MED11: variants seen among roughly 807,000 people sequenced by gnomAD.
MED11 encodes mediator complex subunit 11.
Under a neutral mutation model 13.9 loss-of-function variants are expected in MED11, and 19 were observed. The ratio of observed to expected loss-of-function variants is 1.36; its 90% CI spans 0.95 to 2.00. MED11 has a LOEUF of 2.00. MED11 is among the 30% of genes most tolerant of loss of function. MED11 has a pLI of 0.00. For synonymous variants in MED11, 67 were observed against 62.1 expected, an observed-to-expected ratio of 1.08 and a Z score of -0.37; for missense variants, 134 against 150.2, an observed-to-expected ratio of 0.89 and a Z score of 0.56.
chr17:4,731,919 G>A lies in MED11; in HGVS notation c.216+13G>A, dbSNP rs371382648. The A allele has an allele frequency of 2.4e-3, 3,918 of 1,609,170 alleles. 115 individuals are homozygous for A. The South Asian group carries it at 0.041, about 17-fold the overall frequency. On this transcript the variant is annotated intron_variant, in intron 2 of 2. Coordinates refer to ENST00000293777, the MANE Select transcript of MED11 (RefSeq NM_001001683.4). ...CTACCTCACCCAGGTCGGTGTGTCT[G>A]GGGGGTTCTGCGAGCGAACCCCAGC...
rs1916051481 is a variant in MED11 at position 4,733,400 on chromosome 17, G to A, written c.*213G>A. ...CTCTCCAGCAGGGTGCTCCTGCTCT[G>A]CACTCCAGAAACACCCTGACAGGCT... is the stretch of plus-strand genomic sequence containing the variant. On this transcript the variant is annotated 3_prime_UTR_variant, in exon 3 of 3. Coordinates refer to ENST00000293777, the MANE Select transcript of MED11 (RefSeq NM_001001683.4). The A allele has an allele frequency of 1.9e-6, 1 of 539,422 alleles. No individual in the cohort carries two copies. Among genetic ancestry groups the A allele is most frequent in the Non-Finnish European group, 3.3e-6 (1 of 306,840 alleles). 33.4% of individuals were successfully genotyped at this position (539,422 alleles called of 1,614,324 possible). A position where few individuals can be genotyped will look rare whatever the true frequency, so the allele number is the denominator to read the frequency against.
chr17:4,731,870 G>A lies in MED11; in HGVS notation c.180G>A (p.Glu60=), dbSNP rs1034907488. ...TCACCGCTTCAGTGCAACACGTGGAGGCGGAGCTGTCAGCTCAGATCCGCT... is the reference window on the plus strand; with the variant it reads ...TCACCGCTTCAGTGCAACACGTGGAAGCGGAGCTGTCAGCTCAGATCCGCT... ...AAFTASVQHV[E]AELSAQIRYL... is the part of the protein sequence containing the mutation. Residue 60 remains glutamate (E), a synonymous_variant, in exon 2 of 3, where the codon GAG becomes GAA. Coordinates refer to ENST00000293777, the MANE Select transcript of MED11 (RefSeq NM_001001683.4). 1 of 1,614,104 alleles carries A rather than the reference G, an allele frequency of 6.2e-7. No individual in the cohort carries two copies. The highest frequency in any genetic ancestry group is 2.2e-5 in the East Asian group (1 of 44,888).
chr17:4,731,661 G>A (rs1435798383), intron 1 of MED11, 87 bp downstream of exon 1: 19 of 1,608,100 alleles, frequency 1.2e-5, no homozygotes, highest in Admixed American at 1.7e-5. Flanking sequence ...GAGCAGGGTT[G>A]GGGAGGGAAT....
In MED11 at chr17:4,731,429, C is replaced by G; in HGVS notation, c.-61C>G. Reference sequence around the variant, plus strand: ...CTGCGCAGGCGCACACCGAGAGCCACTTCCGGAACAAGCGTCGCGTTTCTG... The same window carrying G: ...CTGCGCAGGCGCACACCGAGAGCCAGTTCCGGAACAAGCGTCGCGTTTCTG... On this transcript the variant is annotated 5_prime_UTR_variant, in exon 1 of 3. Transcript: ENST00000293777. 1.3e-6 allele frequency: 2 copies of G among 1,565,516 alleles called. No homozygotes were observed. Among genetic ancestry groups the G allele is most frequent in the Non-Finnish European group, 1.8e-6 (2 of 1,138,664 alleles).
intron 2 of MED11, 157 bp from the exon 3 acceptor site, chr17:4,732,893 A>G (rs752656322): frequency 1.2e-6 from 1 of 817,432 alleles, no homozygotes; most frequent in African/African-American, 1.7e-5. Context: ...TGTCACCCCC[A>G]TTTTACAGAC....
Position 4,733,349 on chromosome 17 carries a change from G to C in MED11, c.*162G>C. Reference sequence around the variant, plus strand: ...GGTGGGCATGGAAAAACTGAAGCCCGAGCCTGCCCACAGCTATGCTTTGGC... The same window carrying C: ...GGTGGGCATGGAAAAACTGAAGCCCCAGCCTGCCCACAGCTATGCTTTGGC... On this transcript the variant is annotated 3_prime_UTR_variant, in exon 3 of 3. Transcript: ENST00000293777. 1.1e-6 allele frequency: 1 copy of C among 875,014 alleles called. No homozygotes were observed. The highest frequency in any genetic ancestry group is 1.7e-6 in the Non-Finnish European group (1 of 583,880). 54.2% of individuals were successfully genotyped at this position (875,014 alleles called of 1,614,324 possible).
At chr17:4,732,107 G>C in intron 2 of MED11, 1 of 559,564 alleles carries the variant, frequency 1.8e-6, no homozygotes, top group East Asian at 3.0e-5. Flanking sequence ...GGCCAACACG[G>C]TGAAACCTCG....
At chr17:4,732,980 A>G (rs1180712083) in intron 2 of MED11, 70 bp from the exon 3 acceptor site, 1 of 1,536,588 alleles carries the variant, frequency 6.5e-7, no homozygotes, top group South Asian at 1.2e-5. Context: ...GGAAGAAATG[A>G]GACGAGACCT....
At chr17:4,732,042 C>T (rs1915996564) in intron 2 of MED11, 136 bp downstream of exon 2, 5 of 1,102,226 alleles carry the variant, frequency 4.5e-6, no homozygotes, top group South Asian at 1.7e-5. Flanking sequence ...GTTTCTTCCT[C>T]TAAAAGGAAA....
intron 2 of MED11, 107 bp from the exon 3 acceptor site, chr17:4,732,943 C>A: frequency 7.8e-7 from 1 of 1,282,408 alleles, no homozygotes; most frequent in Non-Finnish European, 1.1e-6. Context: ...ACCCAGCTAC[C>A]AGATGGCCTA....
chr17:4,733,085 C>T lies in MED11; in HGVS notation c.252C>T (p.Tyr84=), dbSNP rs763114156. The T allele has an allele frequency of 6.2e-7, 1 of 1,614,208 alleles. No individual in the cohort carries two copies. The highest frequency in any genetic ancestry group is 1.1e-5 in the South Asian group (1 of 91,088). The part of the protein sequence containing the change: ...ATGQPHEGSS[Y]SSRKDCQMAL... ...GGCAGCCCCATGAGGGCTCCAGCTA[C>T]TCTTCGAGGAAGGACTGTCAGATGG... The change falls in exon 3 of 3, where the codon TAC becomes TAT. Residue 84 remains tyrosine, a synonymous_variant. Coordinates refer to ENST00000293777, the MANE Select transcript of MED11 (RefSeq NM_001001683.4).
At chr17:4,732,908 T>G in intron 2 of MED11, 142 bp from the exon 3 acceptor site, 1 of 933,186 alleles carries the variant, frequency 1.1e-6, no homozygotes, top group Non-Finnish European at 1.6e-6. Context: ...ACAGACAAGA[T>G]TAACATAAGT....
At chr17:4,732,156 G>A in intron 2 of MED11, 1 of 473,960 alleles carries the variant, frequency 2.1e-6, no homozygotes, top group Non-Finnish European at 3.7e-6. Context: ...AGGCTCGGTG[G>A]CTCACTCCTG....
Position 4,733,388 on chromosome 17 carries a change from T to C in MED11, c.*201T>C. On this transcript the variant is annotated 3_prime_UTR_variant, in exon 3 of 3. Transcript: ENST00000293777. Reference sequence around the variant, plus strand: ...CTATGCTTTGGCCTCTCCAGCAGGGTGCTCCTGCTCTGCACTCCAGAAACA... The same window carrying C: ...CTATGCTTTGGCCTCTCCAGCAGGGCGCTCCTGCTCTGCACTCCAGAAACA... 1 of 585,944 alleles carries C rather than the reference T, an allele frequency of 1.7e-6. No homozygotes were observed. Among genetic ancestry groups the C allele is most frequent in the Non-Finnish European group, 2.9e-6 (1 of 340,490 alleles). 36.3% of individuals were successfully genotyped at this position (585,944 alleles called of 1,614,324 possible). A position where few individuals can be genotyped will look rare whatever the true frequency, so the allele number is the denominator to read the frequency against.
rs189542399 is a variant in MED11 at position 4,732,456 on chromosome 17, G to A, written c.216+550G>A. 9.6e-4 allele frequency: 141 copies of A among 146,678 alleles called. 1 individual carries two copies. The highest frequency in any genetic ancestry group is 1.2e-3 in the Non-Finnish European group (86 of 69,040). The allele number at this position is 146,678 out of a possible 1,614,324, so 9.1% of individuals were successfully genotyped here. A position where few individuals can be genotyped will look rare whatever the true frequency, so the allele number is the denominator to read the frequency against. On this transcript the variant is annotated intron_variant, in intron 2 of 2. Transcript: ENST00000293777. ...AAAGCCGGGCTTGGTGGTGAGTACC[G>A]GTAACCCCAGCTACTTGGAAGGCTG...
intron 2 of MED11, chr17:4,732,836 C>T: frequency 1.7e-6 from 1 of 583,170 alleles, no homozygotes; most frequent in Non-Finnish European, 3.0e-6. Context: ...GTGCCAGATA[C>T]TCTGCATTAC....
chr17:4,732,583 C>T (rs1053809588), intron 2 of MED11: 6 of 169,328 alleles, frequency 3.5e-5, no homozygotes, highest in African/African-American at 2.4e-5. Flanking sequence ...AACTCTGTCT[C>T]AAAAAATAAT....
chr17:4,731,964 C>T, intron 2 of MED11, 58 bp downstream of exon 2: 8 of 1,580,840 alleles, frequency 5.1e-6, no homozygotes, highest in Non-Finnish European at 6.9e-6. Flanking sequence ...AAGCCTCAGG[C>T]TTGGGTGATC....
Position 4,733,284 on chromosome 17 carries a change from T to G in MED11, c.*97T>G. 2 of 1,439,910 alleles carry G rather than the reference T, an allele frequency of 1.4e-6. No individual in the cohort carries two copies. The highest frequency in any genetic ancestry group is 1.9e-6 in the Non-Finnish European group (2 of 1,055,844). The allele number at this position is 1,439,910 out of a possible 1,614,324, so 89.2% of individuals were successfully genotyped here. A position where few individuals can be genotyped will look rare whatever the true frequency, so the allele number is the denominator to read the frequency against. ...AGGGTGGGGAGTATGAGCACCAACA[T>G]ACCCTGCTGGTCAAAGTACCCTAGG... On this transcript the variant is annotated 3_prime_UTR_variant, in exon 3 of 3. Coordinates refer to ENST00000293777, the MANE Select transcript of MED11 (RefSeq NM_001001683.4).
Sources: allele counts gnomAD v4.1 joint callset, GRCh38; gene constraint gnomAD v4.1.1; transcripts MANE v1.5; gene names NCBI Gene and HGNC (gene_info 2026-07-23, HGNC 2026-07-21).